Variants in HMGB1 observed in about 807,000 individuals in gnomAD.
HMGB1 encodes the protein high mobility group box 1, also known as high mobility group protein B1.
For missense variants in HMGB1, 79 were observed against 253.5 expected (o/e 0.31, Z 4.67); for synonymous variants, 81 against 84.0 (o/e 0.96, Z 0.19).
upstream of HMGB1, among the ~76,000 whole-genome samples, chr13:30,467,290 A>G (rs569302594): frequency 6.6e-6 from 1 of 152,316 alleles, no homozygotes; most frequent in East Asian, 1.9e-4. Flanking sequence ...AATGTAACAG[A>G]TCAAATTTGG....
At chr13:30,579,546 G>A (rs1394335971) in intron 1 of HMGB1, among the ~76,000 whole-genome samples, 2 of 152,186 alleles carry the variant, frequency 1.3e-5, no homozygotes, top group African/African-American at 2.4e-5. Context: ...AAAAGTAAAT[G>A]TGTTAGATAG....
At chr13:30,565,308 C>T (rs1024174959) in intron 1 of HMGB1, among the ~76,000 whole-genome samples, 10 of 152,124 alleles carry the variant, frequency 6.6e-5, no homozygotes, top group South Asian at 2.1e-4. Flanking sequence ...ACTGTCTCAC[C>T]GCCCACTTTT....
At chr13:30,592,722 A>G (rs1871419428) in intron 1 of HMGB1, among the ~76,000 whole-genome samples, 1 of 152,258 alleles carries the variant, frequency 6.6e-6, no homozygotes, top group East Asian at 1.9e-4. Flanking sequence ...GAACAAAGCC[A>G]CAACCAGGAC....
At chr13:30,504,934 A>G (rs564784561) in intron 1 of HMGB1, among the ~76,000 whole-genome samples, 1 of 152,218 alleles carries the variant, frequency 6.6e-6, no homozygotes, top group Admixed American at 6.5e-5. Context: ...ATTAGTGTCA[A>G]TTCACAGCAT....
At chr13:30,461,649 C>CGT (rs767629133) in intron 4 of HMGB1, 116 bp from the exon 5 acceptor site, 2 of 1,589,170 alleles carry the variant, frequency 1.3e-6, no homozygotes, top group Non-Finnish European at 1.7e-6. Context: ...CAAAATATCA[C>CGT]GTATCTGTAG....
intron 1 of HMGB1, among the ~76,000 whole-genome samples, chr13:30,519,464 G>A (rs1177973528): frequency 6.6e-6 from 1 of 151,626 alleles, no homozygotes; most frequent in Non-Finnish European, 1.5e-5. Context: ...GGGAGGCCAA[G>A]GTGGGCGGAT....
chr13:30,497,228 A>G (rs1338786285), intron 1 of HMGB1, among the ~76,000 whole-genome samples: 2 of 151,902 alleles, frequency 1.3e-5, no homozygotes. Flanking sequence ...ATTATGCCGC[A>G]CTCATTCCAT....
chr13:30,541,625 G>A (rs1868892045), intron 1 of HMGB1: 1 of 153,464 alleles, frequency 6.5e-6, no homozygotes, highest in Non-Finnish European at 1.5e-5. Context: ...GGGAGAACAA[G>A]GAGTTGACCC....
chr13:30,498,951 T>C (rs1338659474), intron 1 of HMGB1, among the ~76,000 whole-genome samples: 1 of 48,972 alleles, frequency 2.0e-5, no homozygotes, highest in East Asian at 1.7e-3. Flanking sequence ...CCCAGCCTCT[T>C]TTTTGTTTTT....
intron 1 of HMGB1, among the ~76,000 whole-genome samples, chr13:30,528,508 G>A (rs142548538): frequency 1.3e-5 from 2 of 152,300 alleles, no homozygotes; most frequent in South Asian, 2.1e-4. Context: ...GGTCACGTTT[G>A]TTGCCTCTGG....
At chr13:30,607,396 T>G (rs1950470492) in intron 1 of HMGB1, among the ~76,000 whole-genome samples, 1 of 152,194 alleles carries the variant, frequency 6.6e-6, no homozygotes, top group Non-Finnish European at 1.5e-5. Flanking sequence ...GTGAAAGAGT[T>G]CTCCGATGGT....
intron 1 of HMGB1, among the ~76,000 whole-genome samples, chr13:30,550,286 C>T (rs559919800): frequency 4.8e-4 from 73 of 152,266 alleles, no homozygotes; most frequent in African/African-American, 1.7e-3. Context: ...AGAACACTGA[C>T]ATTGTGCTAG....
intron 1 of HMGB1, among the ~76,000 whole-genome samples, chr13:30,510,134 G>A (rs1464386297): frequency 3.3e-5 from 5 of 152,142 alleles, no homozygotes; most frequent in African/African-American, 4.8e-5. Context: ...GCCGGGCACC[G>A]TAACTGACCT....
chr13:30,482,051 A>T (rs139275431), intron 1 of HMGB1, among the ~76,000 whole-genome samples: 2,636 of 152,216 alleles, frequency 0.017, 73 homozygotes, highest in African/African-American at 0.061. Flanking sequence ...GCTGGTCTTG[A>T]ACTCCTGATC....
intron 2 of HMGB1, 35 bp downstream of exon 2, chr13:30,463,496 T>A: frequency 2.5e-6 from 4 of 1,589,430 alleles, no homozygotes; most frequent in Non-Finnish European, 3.4e-6. Flanking sequence ...AACTGTCTTT[T>A]AATTACCTTG....
At chr13:30,613,144 A>G (rs1040951458) in intron 1 of HMGB1, among the ~76,000 whole-genome samples, 7 of 152,172 alleles carry the variant, frequency 4.6e-5, no homozygotes, top group Admixed American at 6.5e-5. Context: ...CAGAGGCACA[A>G]TATCAGGTCC....
At position 30,563,761 on chromosome 13, in the gene HMGB1, T is replaced by G. The variant is rs552311074; in HGVS notation, c.-15+52910A>C. 7.8e-4 allele frequency among the ~76,000 whole-genome samples: 119 copies of G among 152,356 alleles called. 1 individual carries two copies. The South Asian group carries it at 0.012, about 15-fold the overall frequency. ...TAACCTAGGACCTTCATGTTAGAGGTGTCTTTGGCAAAACTGTTATGTGAG... is the reference window on the plus strand; with the variant it reads ...TAACCTAGGACCTTCATGTTAGAGGGGTCTTTGGCAAAACTGTTATGTGAG... On this transcript the variant is annotated intron_variant, in intron 1 of 4. Transcript: ENST00000405805.
intron 1 of HMGB1, among the ~76,000 whole-genome samples, chr13:30,515,793 G>A (rs1888089812): frequency 6.6e-6 from 1 of 151,748 alleles, no homozygotes; most frequent in Admixed American, 6.6e-5. Context: ...ATACACCCAG[G>A]GGCTACATTG....
chr13:30,575,744 CAG>C (rs1346748383), intron 1 of HMGB1, among the ~76,000 whole-genome samples: 1 of 152,142 alleles, frequency 6.6e-6, no homozygotes, highest in Non-Finnish European at 1.5e-5. Flanking sequence ...AAACATAAGA[CAG>C]AGTCACATTT....
Sources: allele counts gnomAD v4.1 joint callset (sites outside exome capture counted in the v4.1 genomes callset), GRCh38; gene constraint gnomAD v4.1.1; transcripts MANE v1.5; gene names NCBI Gene and HGNC (gene_info 2026-07-23, HGNC 2026-07-21).